The following SPG11 variants were observed in gnomAD, a reference collection of about 807,000 sequenced individuals.
SPG11 encodes the protein spatacsin.
In SPG11, 222 loss-of-function variants were observed where a neutral mutation model predicts 274.0. The ratio of observed to expected loss-of-function variants is 0.81; its 90% CI spans 0.73 to 0.91. The LOEUF is 0.91. SPG11 is among the 40% of genes least tolerant of loss of function. The pLI, the probability that SPG11 is intolerant of heterozygous loss-of-function variation, is 0.00. For missense variants in SPG11, 3,114 were observed against 2,872.7 expected (o/e 1.08, Z -1.92); for synonymous variants, 1,144 against 1,039.7 (o/e 1.10, Z -1.93).
rs191954099 is a variant in SPG11 at position 44,630,607 on chromosome 15, G to A, written c.1736-1219C>T. On this transcript the variant is annotated intron_variant, in intron 8 of 39. Transcript: ENST00000261866. ...TTTGTTTTTGTTTTTTTGAGACGGC[G>A]TTTCACTTGTCCTCCAGGCTGGAAT... is the stretch of plus-strand genomic sequence containing the variant. Among the ~76,000 whole-genome samples the A allele has an allele frequency of 7.9e-5, 12 of 152,152 alleles. No individual in the cohort carries two copies. In the East Asian group the frequency reaches 1.9e-3, roughly 24 times the overall value.
chr15:44,600,663 C>T, intron 20 of SPG11, 31 bp from the exon 21 acceptor site: 1 of 1,598,076 alleles, frequency 6.3e-7, no homozygotes, highest in Non-Finnish European at 8.6e-7. Flanking sequence ...TATTAATTAT[C>T]TGTATATCAC....
At chr15:44,588,679 G>A in intron 28 of SPG11, 1 of 427,456 alleles carries the variant, frequency 2.3e-6, no homozygotes, top group South Asian at 1.7e-5. Context: ...AGGGAATGTG[G>A]GGAAGTATAT....
intron 7 of SPG11, among the ~76,000 whole-genome samples, chr15:44,645,460 A>C (rs2084579085): frequency 6.6e-6 from 1 of 152,182 alleles, no homozygotes; most frequent in Admixed American, 6.5e-5. Flanking sequence ...CACATACAAA[A>C]ATCAACTCAA....
intron 20 of SPG11, among the ~76,000 whole-genome samples, chr15:44,603,369 G>A (rs1223916796): frequency 1.3e-5 from 2 of 152,148 alleles, no homozygotes; most frequent in Non-Finnish European, 2.9e-5. Context: ...TAGGATTACA[G>A]GCATGAGCCA....
intron 28 of SPG11, among the ~76,000 whole-genome samples, chr15:44,588,869 C>G (rs2082833475): frequency 6.6e-6 from 1 of 152,176 alleles, no homozygotes; most frequent in Non-Finnish European, 1.5e-5. Flanking sequence ...TGAAGCAATG[C>G]TCCAGACTCA....
chr15:44,565,974 C>T lies in SPG11; in HGVS notation c.6879G>A (p.Arg2293=). ...TCTGCAGAGTTATCAACTTGGTGAG[C>T]CGCTGACAGTGCTGGGCCTGTCGCA... ...SCVRQAQHCQ[R]LTKLITLQIH... The change falls in exon 38 of 40, where the codon CGG becomes CGA. Residue 2293 remains arginine (R), a synonymous_variant. Coordinates refer to ENST00000261866, the MANE Select transcript of SPG11 (RefSeq NM_025137.4). 1.2e-6 allele frequency: 2 copies of T among 1,613,858 alleles called. No homozygotes were observed. The highest frequency in any genetic ancestry group is 8.5e-7 in the Non-Finnish European group (1 of 1,180,020).
At chr15:44,585,979 A>G in intron 28 of SPG11, 129 bp from the exon 29 acceptor site, 1 of 684,636 alleles carries the variant, frequency 1.5e-6, no homozygotes, top group Admixed American at 3.0e-5. Flanking sequence ...AAAAATAAAA[A>G]GCTGTTTTTT....
intron 28 of SPG11, 99 bp downstream of exon 28, chr15:44,589,153 G>T: frequency 8.0e-7 from 1 of 1,247,816 alleles, no homozygotes. Context: ...GTAAGTTAAT[G>T]TTACATGCAT....
intron 7 of SPG11, among the ~76,000 whole-genome samples, chr15:44,636,958 CAAAA>C (rs1328250311): frequency 1.1e-5 from 1 of 89,102 alleles, no homozygotes; most frequent in African/African-American, 5.1e-5. Context: ...AAAAAAAAAA[CAAAA>C]AAAAAACACA....
At position 44,598,328 on chromosome 15, in the gene SPG11, T is replaced by A. The variant is rs1567150790; in HGVS notation, c.3938A>T (p.Glu1313Val). The change falls in exon 23 of 40, where the codon GAA (glutamate) becomes GTA (valine). Residue 1313 changes from glutamate (E) to valine (V), a missense_variant. Glu to Val is a moderately radical substitution (Grantham distance 121). Transcript: ENST00000261866. ...KLADGEKTTT[E>V]ELLVLLEEGT... Reference sequence around the variant, plus strand: ...TTCTTCTAAGAGAACAAGCAATTCTTCTGTGGTTGTCTTTTCACCATCAGC... The same window carrying A: ...TTCTTCTAAGAGAACAAGCAATTCTACTGTGGTTGTCTTTTCACCATCAGC... 1 of 1,614,144 alleles carries A rather than the reference T, an allele frequency of 6.2e-7. No homozygotes were observed. The highest frequency in any genetic ancestry group is 8.5e-7 in the Non-Finnish European group (1 of 1,179,992).
chr15:44,598,902 T>C, intron 21 of SPG11, 66 bp from the exon 22 acceptor site: 3 of 1,484,458 alleles, frequency 2.0e-6, no homozygotes, highest in Non-Finnish European at 2.8e-6. Flanking sequence ...GAAAAGCAAA[T>C]GGAATTAAAT....
chr15:44,654,622 C>T (rs912707612), intron 4 of SPG11, among the ~76,000 whole-genome samples: 3 of 152,140 alleles, frequency 2.0e-5, no homozygotes, highest in Non-Finnish European at 4.4e-5. Context: ...GGCGGATCAT[C>T]TGAGGTCATA....
chr15:44,622,107 C>T, intron 13 of SPG11, 113 bp downstream of exon 13: 1 of 1,309,142 alleles, frequency 7.6e-7, no homozygotes, highest in East Asian at 2.3e-5. Context: ...GTTTTATCTC[C>T]AAGGAGAATG....
chr15:44,655,245 T>C (rs557197616), intron 4 of SPG11, among the ~76,000 whole-genome samples: 6 of 152,304 alleles, frequency 3.9e-5, no homozygotes, highest in Middle Eastern at 3.4e-3. Flanking sequence ...CTGGACAACA[T>C]AGCAAGATCC....
rs776149253 is a variant in SPG11, at chr15:44,595,491, C to T, written c.4435-32G>A. ...CGGGATAAATAAAATAACAACTAGG[C>T]CTGGATTACCTGGCAAATGTACAAA... On this transcript the variant is annotated intron_variant, in intron 25 of 39. Coordinates refer to ENST00000261866, the MANE Select transcript of SPG11 (RefSeq NM_025137.4). 10 of 1,596,440 alleles carry T rather than the reference C, an allele frequency of 6.3e-6. No homozygotes were observed. The African/African-American group carries it at 1.3e-4, about 21-fold the overall frequency.
intron 34 of SPG11, among the ~76,000 whole-genome samples, chr15:44,569,899 G>A (rs562738837): frequency 1.3e-5 from 2 of 152,140 alleles, no homozygotes; most frequent in Admixed American, 6.5e-5. Context: ...GTAGAGACAG[G>A]GTTTCACCAT....
At chr15:44,610,641 G>T (rs1308038611) in intron 18 of SPG11, among the ~76,000 whole-genome samples, 199 bp downstream of exon 18, 1 of 152,148 alleles carries the variant, frequency 6.6e-6, no homozygotes, top group Non-Finnish European at 1.5e-5. Flanking sequence ...GCCTCCCAAA[G>T]TGCTGGGATT....
chr15:44,583,709 C>T, intron 30 of SPG11, 105 bp downstream of exon 30: 1 of 1,499,250 alleles, frequency 6.7e-7, no homozygotes. Context: ...AGTTGTTGTC[C>T]CCTTAACTTG....
At chr15:44,581,187 C>T (rs2082652473) in intron 30 of SPG11, among the ~76,000 whole-genome samples, 1 of 152,166 alleles carries the variant, frequency 6.6e-6, no homozygotes, top group African/African-American at 2.4e-5. Flanking sequence ...CATTTTCAAG[C>T]ACTGAAAGAA....
Sources: gnomAD v4.1 joint callset for allele counts (sites outside exome capture counted in the v4.1 genomes callset) on GRCh38, gnomAD v4.1.1 for gene constraint, MANE v1.5 for transcripts, NCBI Gene and HGNC (gene_info 2026-07-23, HGNC 2026-07-21) for gene names.